Variants in TM9SF3 observed in about 807,000 individuals in gnomAD.
TM9SF3 encodes the protein transmembrane 9 superfamily member 3, also known as SM-11044-binding protein.
A neutral mutation model predicts 78.6 loss-of-function variants in TM9SF3; 14 were observed. That is an observed-to-expected ratio of 0.18 (90% CI 0.12 to 0.28). TM9SF3 has a LOEUF of 0.28. Among genes scored for constraint, TM9SF3 ranks in the 10% least tolerant of loss-of-function variants. The pLI, the probability that TM9SF3 is intolerant of heterozygous loss-of-function variation, is 1.00. For missense variants in TM9SF3, 496 were observed against 721.9 expected, an observed-to-expected ratio of 0.69 and a Z score of 3.59; for synonymous variants, 231 against 241.7, an observed-to-expected ratio of 0.96 and a Z score of 0.41.
chr10:96,536,684 T>G (rs1026433383), intron 9 of TM9SF3, among the ~76,000 whole-genome samples: 1 of 152,166 alleles, frequency 6.6e-6, no homozygotes, highest in Non-Finnish European at 1.5e-5. Context: ...GAGACACCCC[T>G]CCTTCTTCTT....
intron 2 of TM9SF3, among the ~76,000 whole-genome samples, chr10:96,570,173 T>C (rs1043050039): frequency 6.6e-6 from 1 of 152,226 alleles, no homozygotes; most frequent in African/African-American, 2.4e-5. Flanking sequence ...TATAACTTAC[T>C]AAATGTGTTA....
Position 96,539,666 on chromosome 10 carries a change from A to T in TM9SF3, c.1185+4410T>A, listed in dbSNP as rs145093800. On this transcript the variant is annotated intron_variant, in intron 9 of 14. Transcript: ENST00000371142. ...GGTGTATGTATATCAAAATTCATCA[A>T]ATTGTACACTTTAAATTTATGCAAC... Among the ~76,000 whole-genome samples the T allele has an allele frequency of 5.9e-4, 90 of 152,320 alleles. No homozygotes were observed. In the East Asian group the frequency reaches 6.4e-3, roughly 11 times the overall value.
chr10:96,558,480 T>TA (rs1358298343), intron 5 of TM9SF3, among the ~76,000 whole-genome samples: 2 of 151,292 alleles, frequency 1.3e-5, no homozygotes, highest in African/African-American at 2.4e-5. Context: ...CCACCCCTAC[T>TA]AAAAAAAATA....
chr10:96,533,213 T>TG (rs1847917844), intron 9 of TM9SF3, 23 bp from the exon 10 acceptor site: 1 of 1,607,834 alleles, frequency 6.2e-7, no homozygotes, highest in Non-Finnish European at 8.5e-7. Flanking sequence ...TAAAAATGTG[T>TG]GATTACTCAG....
At position 96,560,390 on chromosome 10, in the gene TM9SF3, G is replaced by T. The variant is rs181258340; in HGVS notation, c.583-654C>A. Reference sequence around the variant, plus strand: ...GAAGCAGAGGCAATGAATTATGAAGGCAGTCCAATTAAATAACACTGGCAC... The same window carrying T: ...GAAGCAGAGGCAATGAATTATGAAGTCAGTCCAATTAAATAACACTGGCAC... On this transcript the variant is annotated intron_variant, in intron 4 of 14. Coordinates refer to ENST00000371142, the MANE Select transcript of TM9SF3 (RefSeq NM_020123.4). 1,621 of 737,688 alleles carry T rather than the reference G, an allele frequency of 2.2e-3. 7 individuals are homozygous for T. The highest frequency in any genetic ancestry group is 2.6e-3 in the Non-Finnish European group (1,059 of 401,720). 45.7% of individuals were successfully genotyped at this position (737,688 alleles called of 1,614,324 possible). A position where few individuals can be genotyped will look rare whatever the true frequency, so the allele number is the denominator to read the frequency against.
intron 5 of TM9SF3, among the ~76,000 whole-genome samples, chr10:96,554,588 CTT>C (rs1848212604): frequency 1.3e-5 from 2 of 152,170 alleles, no homozygotes; most frequent in African/African-American, 4.8e-5. Flanking sequence ...AAGCTCCAGT[CTT>C]AGTACTCTGC....
At chr10:96,532,127 A>G (rs1002353656) in intron 10 of TM9SF3, among the ~76,000 whole-genome samples, 18 of 151,954 alleles carry the variant, frequency 1.2e-4, no homozygotes, top group Admixed American at 7.9e-4. Context: ...GAAGAATGGC[A>G]TGAATCCAGG....
intron 1 of TM9SF3, among the ~76,000 whole-genome samples, chr10:96,577,783 C>T (rs962585058): frequency 6.6e-6 from 1 of 152,066 alleles, no homozygotes; most frequent in Non-Finnish European, 1.5e-5. Flanking sequence ...AAGATGTGTT[C>T]CCTGTCCTAC....
chr10:96,556,205 A>T (rs1848232079), intron 5 of TM9SF3, among the ~76,000 whole-genome samples: 1 of 150,982 alleles, frequency 6.6e-6, no homozygotes, highest in Admixed American at 6.6e-5. Context: ...AGCACCCTCT[A>T]GTGTCACTAA....
Position 96,576,823 on chromosome 10 carries a change from C to A in TM9SF3, c.109G>T (p.Asp37Tyr). ...RADEHEHTYQDKEEVVLWMNT... is the reference protein window; with the variant it reads ...RADEHEHTYQYKEEVVLWMNT... ...ATCCATAAGACAACTTCCTCTTTAT[C>A]TTGATACTGAAACAAGAAAAGCAAA... The change falls in exon 2 of 15, where the codon GAT (aspartate) becomes TAT (tyrosine). Residue 37 changes from aspartate to tyrosine, a missense_variant. Asp to Tyr is a radical substitution (Grantham distance 160). Coordinates refer to ENST00000371142, the MANE Select transcript of TM9SF3 (RefSeq NM_020123.4). 6.7e-7 allele frequency: 1 copy of A among 1,492,900 alleles called. No individual in the cohort carries two copies. Among genetic ancestry groups the A allele is most frequent in the Non-Finnish European group, 8.9e-7 (1 of 1,124,340 alleles). 92.5% of individuals were successfully genotyped at this position (1,492,900 alleles called of 1,614,324 possible).
intron 9 of TM9SF3, among the ~76,000 whole-genome samples, chr10:96,540,937 C>T (rs1367946404): frequency 1.3e-5 from 2 of 151,778 alleles, no homozygotes; most frequent in East Asian, 3.9e-4. Flanking sequence ...ACCACCACAC[C>T]TGGCTAATTT....
chr10:96,584,965 T>C (rs1176671093), intron 1 of TM9SF3, among the ~76,000 whole-genome samples: 1 of 152,216 alleles, frequency 6.6e-6, no homozygotes, highest in Non-Finnish European at 1.5e-5. Flanking sequence ...AAAAACCTTT[T>C]ATCAAATATC....
chr10:96,530,953 A>T (rs748351888), intron 10 of TM9SF3, among the ~76,000 whole-genome samples: 7 of 152,202 alleles, frequency 4.6e-5, no homozygotes, highest in Non-Finnish European at 7.3e-5. Flanking sequence ...ATTCACAAAA[A>T]GCCAAAGGGA....
intron 9 of TM9SF3, among the ~76,000 whole-genome samples, chr10:96,533,691 C>T (rs1004777522): frequency 1.3e-5 from 2 of 152,112 alleles, no homozygotes; most frequent in Non-Finnish European, 2.9e-5. Context: ...AAAATTTCAA[C>T]TCAGATCTGC....
At chr10:96,551,435 G>A (rs189437097) in intron 6 of TM9SF3, 24 bp from the exon 7 acceptor site, 1 of 1,450,954 alleles carries the variant, frequency 6.9e-7, no homozygotes, top group South Asian at 1.5e-5. Flanking sequence ...TATATATAGA[G>A]AGAGAAAAGC....
chr10:96,547,284 CT>C (rs940029539), intron 8 of TM9SF3, among the ~76,000 whole-genome samples: 6 of 152,106 alleles, frequency 3.9e-5, no homozygotes, highest in Non-Finnish European at 7.4e-5. Context: ...ATCTATAAAG[CT>C]TTTTTTCTGT....
At chr10:96,541,420 G>C (rs1247677753) in intron 9 of TM9SF3, among the ~76,000 whole-genome samples, 1 of 151,834 alleles carries the variant, frequency 6.6e-6, no homozygotes, top group African/African-American at 2.4e-5. Flanking sequence ...CTGCCACCCA[G>C]GCTGGAGTGC....
chr10:96,533,986 T>C (rs933029808), intron 9 of TM9SF3, among the ~76,000 whole-genome samples: 7 of 152,172 alleles, frequency 4.6e-5, no homozygotes, highest in Non-Finnish European at 7.4e-5. Flanking sequence ...TGGAGTAGAA[T>C]TGAATCACCT....
intron 1 of TM9SF3, among the ~76,000 whole-genome samples, chr10:96,580,557 C>A (rs540238229): frequency 6.6e-6 from 1 of 152,130 alleles, no homozygotes; most frequent in African/African-American, 2.4e-5. Context: ...TGAGCCACTG[C>A]GCCTGGCCCC....
Sources: gnomAD v4.1 joint callset for allele counts (sites outside exome capture counted in the v4.1 genomes callset) on GRCh38, gnomAD v4.1.1 for gene constraint, MANE v1.5 for transcripts, NCBI Gene and HGNC (gene_info 2026-07-23, HGNC 2026-07-21) for gene names.